The following ANO3 variants were observed in gnomAD, a reference collection of about 807,000 sequenced individuals.
ANO3 encodes the protein anoctamin 3.
In ANO3, 99 loss-of-function variants were observed where a neutral mutation model predicts 144.8. That is an observed-to-expected ratio of 0.68 (90% CI 0.58 to 0.81). The LOEUF (loss-of-function observed/expected upper bound fraction) is 0.81, where lower values mean the gene tolerates loss of function less well. ANO3 is among the 30% of genes least tolerant of loss of function. The pLI is 0.00. For synonymous variants in ANO3, 414 were observed against 392.6 expected (o/e 1.05, Z -0.64); for missense variants, 905 against 1,202.2 (o/e 0.75, Z 3.66).
chr11:26,618,492 T>A (rs1852323768), intron 17 of ANO3, among the ~76,000 whole-genome samples: 1 of 152,196 alleles, frequency 6.6e-6, no homozygotes. Flanking sequence ...ACTCTTCCTA[T>A]ATCCCTTTCA....
chr11:26,530,566 A>AC (rs1234851049), intron 7 of ANO3, among the ~76,000 whole-genome samples: 23 of 151,328 alleles, frequency 1.5e-4, no homozygotes, highest in African/African-American at 5.6e-4. Context: ...AAAAAAAAAA[A>AC]AACTCTCTTT....
At chr11:26,482,236 C>T (rs1201631165) in intron 4 of ANO3, among the ~76,000 whole-genome samples, 3 of 151,478 alleles carry the variant, frequency 2.0e-5, no homozygotes, top group Non-Finnish European at 4.4e-5. Context: ...TATTATTATA[C>T]TTTAAGTTTG....
chr11:26,320,374 T>C (rs1453451778), intron 1 of ANO3, among the ~76,000 whole-genome samples: 2 of 152,192 alleles, frequency 1.3e-5, no homozygotes, highest in Non-Finnish European at 2.9e-5. Flanking sequence ...CTGGAGAACA[T>C]AGTTAGAGTT....
chr11:26,318,055 C>T (rs1020762671), intron 1 of ANO3, among the ~76,000 whole-genome samples: 1 of 132,064 alleles, frequency 7.6e-6, no homozygotes, highest in Admixed American at 7.5e-5. Flanking sequence ...GGGAGTTGAA[C>T]AATGAGAACA....
chr11:26,386,212 A>G (rs1042217689), intron 1 of ANO3, among the ~76,000 whole-genome samples: 4 of 152,188 alleles, frequency 2.6e-5, no homozygotes, highest in Admixed American at 2.6e-4. Context: ...ATCAAAATAA[A>G]TAATGCTAAT....
At chr11:26,660,167 T>G (rs1352316858) in intron 26 of ANO3, 95 bp from the exon 27 acceptor site, 3 of 1,148,350 alleles carry the variant, frequency 2.6e-6, no homozygotes, top group Non-Finnish European at 2.6e-6. Flanking sequence ...TGATGCTTGA[T>G]TCAAGGCAAA....
At chr11:26,252,162 G>T (rs957420515) in intron 1 of ANO3, among the ~76,000 whole-genome samples, 1 of 152,036 alleles carries the variant, frequency 6.6e-6, no homozygotes, top group Non-Finnish European at 1.5e-5. Context: ...GACTCCAAAG[G>T]AGACTGAAAA....
At chr11:26,465,950 T>C (rs1859588012) in intron 4 of ANO3, among the ~76,000 whole-genome samples, 1 of 152,026 alleles carries the variant, frequency 6.6e-6, no homozygotes, top group Admixed American at 6.6e-5. Context: ...ATTGTATCTT[T>C]AGAATATCTT....
At chr11:26,195,837 A>T (rs1851576390) in intron 1 of ANO3, among the ~76,000 whole-genome samples, 1 of 152,220 alleles carries the variant, frequency 6.6e-6, no homozygotes. Flanking sequence ...TGTGCAAGTT[A>T]TTTAAAACTT....
chr11:26,574,792 T>C (rs1267299127), intron 14 of ANO3, among the ~76,000 whole-genome samples: 1 of 152,138 alleles, frequency 6.6e-6, no homozygotes, highest in Non-Finnish European at 1.5e-5. Context: ...TTCACTTAAC[T>C]ATAACTTTTT....
chr11:26,639,293 C>A, intron 21 of ANO3, 52 bp downstream of exon 21: 3 of 1,395,480 alleles, frequency 2.1e-6, no homozygotes, highest in Non-Finnish European at 3.0e-6. Context: ...AAGAGGAAAG[C>A]TAGAGGTGGC....
intron 4 of ANO3, among the ~76,000 whole-genome samples, chr11:26,469,101 A>T (rs1427406430): frequency 6.6e-6 from 1 of 151,956 alleles, no homozygotes; most frequent in Non-Finnish European, 1.5e-5. Flanking sequence ...ATTCTCTGAA[A>T]TACTGAAAAG....
intron 14 of ANO3, among the ~76,000 whole-genome samples, chr11:26,585,174 G>A (rs1851241114): frequency 6.6e-6 from 1 of 152,062 alleles, no homozygotes; most frequent in African/African-American, 2.4e-5. Context: ...AAGAACATAG[G>A]CAGCACACAT....
At chr11:26,349,906 G>C (rs1289667892) in intron 1 of ANO3, among the ~76,000 whole-genome samples, 3 of 152,180 alleles carry the variant, frequency 2.0e-5, no homozygotes, top group Non-Finnish European at 4.4e-5. Flanking sequence ...ATAGTGTTAG[G>C]AAGAGCCTTG....
At chr11:26,386,967 G>A (rs1856750517) in intron 1 of ANO3, among the ~76,000 whole-genome samples, 1 of 151,936 alleles carries the variant, frequency 6.6e-6, no homozygotes, top group Admixed American at 6.6e-5. Context: ...TTTTGTTTCT[G>A]GGGAGAGGGA....
intron 1 of ANO3, among the ~76,000 whole-genome samples, chr11:26,369,798 A>G (rs922928488): frequency 7.9e-5 from 12 of 152,144 alleles, no homozygotes; most frequent in Non-Finnish European, 8.8e-5. Context: ...TACTTTCTAA[A>G]TTGGAATCTT....
chr11:26,368,123 C>G (rs1856144864), intron 1 of ANO3, among the ~76,000 whole-genome samples: 1 of 152,344 alleles, frequency 6.6e-6, no homozygotes, highest in Non-Finnish European at 1.5e-5. Flanking sequence ...AGCATAGTCT[C>G]TATATTTTTC....
At chr11:26,341,840 GATGTTCCAGGACAGGA>G (rs1222936464) in intron 1 of ANO3, among the ~76,000 whole-genome samples, 2 of 152,324 alleles carry the variant, frequency 1.3e-5, no homozygotes, top group East Asian at 3.9e-4. Flanking sequence ...CCTGGAGTCT[GATGTTCCAGGACAGGA>G]AGCATCCAGC....
chr11:26,440,935 G>A (rs1858486609), intron 1 of ANO3, among the ~76,000 whole-genome samples: 1 of 151,888 alleles, frequency 6.6e-6, no homozygotes, highest in Non-Finnish European at 1.5e-5. Flanking sequence ...ATGGAGACAG[G>A]GAAGTGGAGC....
Sources: allele counts gnomAD v4.1 joint callset (sites outside exome capture counted in the v4.1 genomes callset), GRCh38; gene constraint gnomAD v4.1.1; transcripts MANE v1.5; gene names NCBI Gene and HGNC (gene_info 2026-07-23, HGNC 2026-07-21).